SH3PXD2B: variants seen among roughly 807,000 people sequenced by gnomAD.
SH3PXD2B encodes the protein SH3 and PX domains 2B.
SH3PXD2B carries 37 observed loss-of-function variants against 73.1 expected under a neutral mutation model. The ratio of observed to expected loss-of-function variants is 0.51; its 90% CI spans 0.39 to 0.67. The LOEUF (loss-of-function observed/expected upper bound fraction) is 0.67. Ranked by LOEUF, SH3PXD2B falls within the 30% of genes least tolerant of loss-of-function variation. The pLI, the probability that SH3PXD2B is intolerant of heterozygous loss-of-function variation, is 0.00. For synonymous variants in SH3PXD2B, 457 were observed against 480.5 expected (o/e 0.95, Z 0.64); for missense variants, 1,053 against 1,197.8 (o/e 0.88, Z 1.78).
At chr5:172,439,289 AAACCCC>A (rs1198785537) in intron 1 of SH3PXD2B, among the ~76,000 whole-genome samples, 14 of 59,750 alleles carry the variant, frequency 2.3e-4, no homozygotes, top group African/African-American at 7.4e-4. Context: ...AACAAAAAAA[AAACCCC>A]AAAAAAAAAC....
chr5:172,339,745 C>T lies in SH3PXD2B; in HGVS notation c.1360G>A (p.Ala454Thr), dbSNP rs1756810212. ...TCGCTGCCCGTGTTGTTCTCCAGCG[C>T]TGCTGCTTCCCCCAGCCGGAGCTGG... ...VTQLRLGEAA[A>T]LENNTGSEAT... Residue 454 changes from alanine (A) to threonine (T), a missense_variant, in exon 13 of 13, where the codon GCG becomes ACG. Physicochemically the swap from Ala to Thr is moderately conservative, Grantham distance 58 (BLOSUM62 0). Transcript: ENST00000311601. The surrounding 1 kb of genome is among the most constrained non-coding windows in gnomAD (Gnocchi z 6.1). 1.2e-6 allele frequency: 2 copies of T among 1,613,576 alleles called. No individual in the cohort carries two copies. Among genetic ancestry groups the T allele is most frequent in the Non-Finnish European group, 1.7e-6 (2 of 1,179,490 alleles).
intron 10 of SH3PXD2B, among the ~76,000 whole-genome samples, chr5:172,348,652 AT>A (rs1757060564): frequency 2.9e-5 from 1 of 34,330 alleles, no homozygotes; most frequent in Admixed American, 3.3e-4. Flanking sequence ...CTATCTATCT[AT>A]CCTATCTATC....
intron 2 of SH3PXD2B, among the ~76,000 whole-genome samples, chr5:172,418,205 C>T (rs1283278138): frequency 3.9e-5 from 6 of 152,086 alleles, no homozygotes; most frequent in Admixed American, 6.5e-5. Flanking sequence ...TCTTCATTTG[C>T]GTAATTGGAT....
At chr5:172,325,481 C>T (rs537664813) in intron 12 of SH3PXD2B, 34 of 699,136 alleles carry the variant, frequency 4.9e-5, no homozygotes, top group African/African-American at 3.9e-4. Flanking sequence ...AACAGCATAC[C>T]GCAGACTGAG....
Position 172,339,937 on chromosome 5 carries a change from A to G in SH3PXD2B, c.1189-21T>C. Reference sequence around the variant, plus strand: ...ATCACCTGCAAGGGAGGATAGAGAAAGGCACTTGGCTACGATGCCAGGGCC... The same window carrying G: ...ATCACCTGCAAGGGAGGATAGAGAAGGGCACTTGGCTACGATGCCAGGGCC... On this transcript the variant is annotated intron_variant, in intron 12 of 12. Coordinates refer to ENST00000311601, the MANE Select transcript of SH3PXD2B (RefSeq NM_001017995.3). The surrounding 1 kb of genome is among the most constrained non-coding windows in gnomAD (Gnocchi z 6.1). 1 of 1,614,126 alleles carries G rather than the reference A, an allele frequency of 6.2e-7. No individual in the cohort carries two copies. Among genetic ancestry groups the G allele is most frequent in the Non-Finnish European group, 8.5e-7 (1 of 1,179,984 alleles).
chr5:172,371,813 GAA>G (rs970265728), intron 6 of SH3PXD2B, among the ~76,000 whole-genome samples: 1 of 152,124 alleles, frequency 6.6e-6, no homozygotes, highest in African/African-American at 2.4e-5. Flanking sequence ...TCCTTCTAGG[GAA>G]AGTCTCTGCA....
rs563480653 is a variant in SH3PXD2B at position 172,339,564 on chromosome 5, G to C, written c.1541C>G (p.Pro514Arg). ...ASAGYEEISD[P>R]DMEEKPSLPP... is the part of the protein sequence containing the mutation. The stretch of plus-strand genomic sequence containing the variant: ...GAGGCTGGGCTTCTCCTCCATGTCG[G>C]GGTCTGAGATCTCCTCGTAGCCTGC... The change falls in exon 13 of 13, where the codon CCC (proline) becomes CGC (arginine). Residue 514 changes from proline (P) to arginine (R), a missense_variant. By Grantham distance (103) the Pro-to-Arg change is moderately radical. This residue lies in a region of SH3PXD2B where 587 missense variants were observed against 590.7 expected (regional missense o/e 0.99). Coordinates refer to ENST00000311601, the MANE Select transcript of SH3PXD2B (RefSeq NM_001017995.3). This position sits in a 1 kb window ranked among gnomAD's most constrained non-coding sequence, Gnocchi z 6.1. 21 of 1,614,214 alleles carry C rather than the reference G, an allele frequency of 1.3e-5. 1 individual carries two copies. The South Asian group carries it at 2.1e-4, about 16-fold the overall frequency.
At position 172,454,321 on chromosome 5, in the gene SH3PXD2B, T is replaced by C. The variant is rs1381820498; in HGVS notation, c.32A>G (p.Lys11Arg). The C allele has an allele frequency of 1.9e-6, 3 of 1,591,578 alleles. No individual in the cohort carries two copies. The highest frequency in any genetic ancestry group is 2.6e-6 in the Non-Finnish European group (3 of 1,172,112). The part of the protein sequence containing the change: MPPRRSIVEV[K>R]VLDVQKRRVP... ...CCGCCGCTTCTGCACGTCTAGCACC[T>C]TCACCTCCACGATGCTGCGCCGCGG... The change falls in exon 1 of 13, where the codon AAG becomes AGG. Residue 11 changes from lysine (K) to arginine (R), a missense_variant. By Grantham distance (26) the Lys-to-Arg change is conservative. Coordinates refer to ENST00000311601, the MANE Select transcript of SH3PXD2B (RefSeq NM_001017995.3).
chr5:172,341,109 G>A (rs1285240960), intron 12 of SH3PXD2B, among the ~76,000 whole-genome samples: 1 of 152,180 alleles, frequency 6.6e-6, no homozygotes, highest in East Asian at 1.9e-4. Flanking sequence ...AGCACTGCGT[G>A]GCTGAATTCA....
intron 4 of SH3PXD2B, among the ~76,000 whole-genome samples, chr5:172,385,483 G>A (rs555570278): frequency 1.3e-3 from 204 of 152,312 alleles, no homozygotes; most frequent in Middle Eastern, 3.4e-3. Flanking sequence ...CACAAAAGGC[G>A]GCAGGGTGGC....
intron 5 of SH3PXD2B, among the ~76,000 whole-genome samples, chr5:172,381,507 G>A (rs1757945043): frequency 6.6e-6 from 1 of 152,190 alleles, no homozygotes; most frequent in Non-Finnish European, 1.5e-5. Flanking sequence ...GTAGCGACAG[G>A]CGTCTGGGCA....
At chr5:172,407,416 C>T (rs921404782) in intron 2 of SH3PXD2B, among the ~76,000 whole-genome samples, 29 of 152,320 alleles carry the variant, frequency 1.9e-4, no homozygotes, top group Admixed American at 6.5e-4. Context: ...CTCTGCTGGC[C>T]GCGGTCATGG....
chr5:172,409,996 A>T (rs1046474698), intron 2 of SH3PXD2B, among the ~76,000 whole-genome samples: 12 of 152,362 alleles, frequency 7.9e-5, no homozygotes, highest in African/African-American at 2.9e-4. Context: ...GATTACAGGC[A>T]TGAGCCACTG....
At chr5:172,416,189 G>A (rs910789820) in intron 2 of SH3PXD2B, among the ~76,000 whole-genome samples, 4 of 152,212 alleles carry the variant, frequency 2.6e-5, no homozygotes, top group Admixed American at 6.5e-5. Context: ...TTAGTCAGGC[G>A]TGGTGGCACA....
intron 2 of SH3PXD2B, among the ~76,000 whole-genome samples, chr5:172,417,721 C>T (rs990301948): frequency 6.6e-6 from 1 of 152,304 alleles, no homozygotes; most frequent in East Asian, 1.9e-4. Context: ...CATCAATAAT[C>T]CTAATAGCTG....
chr5:172,403,346 C>T (rs979617210), intron 3 of SH3PXD2B, among the ~76,000 whole-genome samples: 7 of 152,248 alleles, frequency 4.6e-5, no homozygotes, highest in African/African-American at 7.2e-5. Context: ...GTTCTGCTGA[C>T]GCGGCAGTCT....
At position 172,346,316 on chromosome 5, in the gene SH3PXD2B, T is replaced by G; in HGVS notation, c.1063-55A>C. 1.9e-6 allele frequency: 3 copies of G among 1,610,462 alleles called. No homozygotes were observed. In the South Asian group the frequency reaches 3.3e-5, roughly 18 times the overall value. The stretch of plus-strand genomic sequence containing the variant: ...AAGGCTAAGTGCACTCCTGCGACCC[T>G]GTGTCAGGGGGAGTCTAAGGGCCTG... On this transcript the variant is annotated intron_variant, in intron 11 of 12. Transcript: ENST00000311601.
chr5:172,379,363 C>G (rs1757893357), intron 5 of SH3PXD2B, among the ~76,000 whole-genome samples: 1 of 151,348 alleles, frequency 6.6e-6, no homozygotes, highest in Non-Finnish European at 1.5e-5. Context: ...GGCTTTCTCT[C>G]TCTCTCTCTC....
chr5:172,449,928 G>A (rs948689917), intron 1 of SH3PXD2B, among the ~76,000 whole-genome samples: 1 of 152,194 alleles, frequency 6.6e-6, no homozygotes, highest in Admixed American at 6.5e-5. Context: ...AAAACGAACT[G>A]GAGCTAGCTG....
Sources: allele counts gnomAD v4.1 joint callset (sites outside exome capture counted in the v4.1 genomes callset), GRCh38; gene constraint gnomAD v4.1.1; regional missense constraint gnomAD v4.1.1; non-coding constraint Gnocchi (gnomAD v3.1); transcripts MANE v1.5; gene names NCBI Gene and HGNC (gene_info 2026-07-23, HGNC 2026-07-21).